ODAD4: variants seen among roughly 807,000 people sequenced by gnomAD.
ODAD4 encodes outer dynein arm docking complex subunit 4.
In ODAD4, 49 loss-of-function variants were observed where a neutral mutation model predicts 51.8. The observed-to-expected ratio is 0.95, with a 90% CI of 0.75 to 1.20. The LOEUF (loss-of-function observed/expected upper bound fraction) is 1.20, where lower values mean the gene tolerates loss of function less well. ODAD4 is among the 50% of genes most tolerant of loss of function. ODAD4 has a pLI of 0.00. For missense variants in ODAD4, 590 were observed against 586.5 expected (o/e 1.01, Z -0.06); for synonymous variants, 235 against 221.3 (o/e 1.06, Z -0.55).
chr17:41,938,516 G>T (rs374821213), intron 5 of ODAD4, 41 bp from the exon 6 acceptor site: 53 of 1,555,558 alleles, frequency 3.4e-5, no homozygotes, highest in Non-Finnish European at 3.6e-5. Context: ...TCCCTTAGAG[G>T]CCTGTTCTCC....
At position 41,965,893 on chromosome 17, in the gene ODAD4, T is replaced by C. The variant is rs2050878210; in HGVS notation, c.*410T>C. ...CGGGGAGGCTTTATGGATGGAACAG[T>C]GGTGGGGCGGCCCCAGCTGTCACAG... On this transcript the variant is annotated 3_prime_UTR_variant, in exon 12 of 12. Transcript: ENST00000377540. Among the ~76,000 whole-genome samples the C allele has an allele frequency of 1.3e-5, 2 of 151,924 alleles. No homozygotes were observed. The highest frequency in any genetic ancestry group is 4.8e-5 in the African/African-American group (2 of 41,324).
At chr17:41,936,632 T>G in intron 4 of ODAD4, 98 bp downstream of exon 4, 1 of 1,510,696 alleles carries the variant, frequency 6.6e-7, no homozygotes, top group Non-Finnish European at 9.1e-7. Context: ...TGACCAGGCA[T>G]ACTCCGTGAC....
intron 9 of ODAD4, chr17:41,952,722 G>A: frequency 2.0e-6 from 1 of 504,894 alleles, no homozygotes; most frequent in Non-Finnish European, 4.0e-6. Flanking sequence ...TCCTTTAAGT[G>A]TAATAGCCTT....
At chr17:41,963,497 C>T (rs2050832684) in intron 11 of ODAD4, among the ~76,000 whole-genome samples, 1 of 152,186 alleles carries the variant, frequency 6.6e-6, no homozygotes, top group Admixed American at 6.5e-5. Flanking sequence ...AATGAAGATG[C>T]TGGAGAAAAT....
chr17:41,935,606 T>G lies in ODAD4; in HGVS notation c.254T>G (p.Leu85Trp). 6.2e-7 allele frequency: 1 copy of G among 1,612,074 alleles called. No individual in the cohort carries two copies. The highest frequency in any genetic ancestry group is 8.5e-7 in the Non-Finnish European group (1 of 1,178,976). Residue 85 changes from leucine to tryptophan, a missense_variant, in exon 3 of 12, where the codon TTG becomes TGG. Physicochemically the swap from Leu to Trp is moderately conservative, Grantham distance 61. This residue lies in a region of ODAD4 where 360 missense variants were observed against 407.5 expected (regional missense o/e 0.88). Coordinates refer to ENST00000377540, the MANE Select transcript of ODAD4 (RefSeq NM_031421.5). Reference protein sequence around the residue: ...QSDPAFCKGILQKAETLYTMG... With the variant: ...QSDPAFCKGIWQKAETLYTMG... ...GATTTCCTCCCATTCCAGGGGATTTTGCAAAAGGCTGAGACACTGTACACC... is the reference window on the plus strand; with the variant it reads ...GATTTCCTCCCATTCCAGGGGATTTGGCAAAAGGCTGAGACACTGTACACC...
At chr17:41,955,356 TG>T in intron 10 of ODAD4, 39 bp downstream of exon 10, 1 of 743,336 alleles carries the variant, frequency 1.3e-6, no homozygotes. Flanking sequence ...GTGTCAGGAG[TG>T]GGGTTGGGTG....
chr17:41,932,373 T>C (rs534320171), intron 1 of ODAD4, among the ~76,000 whole-genome samples: 24 of 152,048 alleles, frequency 1.6e-4, no homozygotes, highest in Non-Finnish European at 3.2e-4. Flanking sequence ...ACCCAGTGCA[T>C]ACTCAATTTT....
intron 9 of ODAD4, chr17:41,954,986 G>C (rs782523140): frequency 1.6e-6 from 1 of 632,994 alleles, no homozygotes; most frequent in South Asian, 1.5e-5. Context: ...CAACGCCTTT[G>C]AATGAGGCCC....
intron 10 of ODAD4, among the ~76,000 whole-genome samples, chr17:41,961,125 T>C (rs1292498638): frequency 5.3e-5 from 8 of 152,312 alleles, no homozygotes; most frequent in Non-Finnish European, 1.0e-4. Context: ...TAGACACAAC[T>C]CCCAATACAT....
chr17:41,934,038 C>CTTTT lies in ODAD4; in HGVS notation c.115-1161_115-1158dup, dbSNP rs782039270. On this transcript the variant is annotated intron_variant, in intron 1 of 11. Transcript: ENST00000377540. ...CCCTTTCTTTCTTTTTTCTTTCTTT[C>CTTTT]TTTTTTTTTTTTTTTTTTTTTGAGA... Among the ~76,000 whole-genome samples, 257 of 65,528 alleles carry CTTTT rather than the reference C, an allele frequency of 3.9e-3. 3 individuals carry two copies. The highest frequency in any genetic ancestry group is 4.4e-3 in the Non-Finnish European group (174 of 39,218). The allele number at this position is 65,528 out of a possible 152,430, so 43.0% of individuals were successfully genotyped here.
In ODAD4 at chr17:41,943,826, C is replaced by T. The variant is rs150990203; in HGVS notation, c.1059-1310C>T. ...TCTTGAGCATATAGACCTAGTTACT[C>T]AGGAGGCTGAGTCAGGAGGATCCCT... On this transcript the variant is annotated intron_variant, in intron 7 of 11. Coordinates refer to ENST00000377540, the MANE Select transcript of ODAD4 (RefSeq NM_031421.5). Among the ~76,000 whole-genome samples, 554 of 152,198 alleles carry T rather than the reference C, an allele frequency of 3.6e-3. 6 individuals are homozygous for T. Among genetic ancestry groups the T allele is most frequent in the African/African-American group, 0.013 (535 of 41,528 alleles).
At chr17:41,944,391 T>TACACACACACACACACAC (rs1158342629) in intron 7 of ODAD4, among the ~76,000 whole-genome samples, 3 of 78,704 alleles carry the variant, frequency 3.8e-5, no homozygotes, top group African/African-American at 6.7e-5. Context: ...CAAACACACA[T>TACACACACACACACACAC]ACACACACAC....
chr17:41,932,902 C>A (rs980572324), intron 1 of ODAD4, among the ~76,000 whole-genome samples: 1 of 151,940 alleles, frequency 6.6e-6, no homozygotes, highest in Non-Finnish European at 1.5e-5. Flanking sequence ...CTCCAAATTG[C>A]CCACTTCTTC....
At position 41,936,499 on chromosome 17, in the gene ODAD4, A is replaced by C. The variant is rs782745704; in HGVS notation, c.424A>C (p.Lys142Gln). Residue 142 changes from lysine to glutamine, a missense_variant, in exon 4 of 12, where the codon AAA becomes CAA. Transcript: ENST00000377540. ...TCCTTCTTCCATTAAGCTGGAGAACAAAGGGGACCTCTCCTTCTTAAGCAA... is the reference window on the plus strand; with the variant it reads ...TCCTTCTTCCATTAAGCTGGAGAACCAAGGGGACCTCTCCTTCTTAAGCAA... Reference protein sequence around the residue: ...GSPSSIKLENKGDLSFLSKQA... With the variant: ...GSPSSIKLENQGDLSFLSKQA... The C allele has an allele frequency of 1.2e-6, 2 of 1,613,352 alleles. No individual in the cohort carries two copies. Among genetic ancestry groups the C allele is most frequent in the Non-Finnish European group, 8.5e-7 (1 of 1,179,798 alleles).
chr17:41,932,807 CT>C (rs1436864226), intron 1 of ODAD4, among the ~76,000 whole-genome samples: 6 of 145,482 alleles, frequency 4.1e-5, no homozygotes, highest in Non-Finnish European at 6.0e-5. Flanking sequence ...TCAAGTAATA[CT>C]CCCGCTTTGG....
intron 8 of ODAD4, among the ~76,000 whole-genome samples, chr17:41,947,148 G>C (rs2050600479): frequency 6.6e-6 from 1 of 150,756 alleles, no homozygotes; most frequent in African/African-American, 2.4e-5. Flanking sequence ...CTGTGCCCGG[G>C]TGTGCATTTT....
At chr17:41,956,674 G>A (rs571223620) in intron 10 of ODAD4, among the ~76,000 whole-genome samples, 2 of 152,128 alleles carry the variant, frequency 1.3e-5, no homozygotes, top group Admixed American at 6.5e-5. Context: ...ACTTAAGCCT[G>A]AGAAGTTGAG....
intron 5 of ODAD4, 136 bp from the exon 6 acceptor site, chr17:41,938,421 A>T: frequency 1.4e-6 from 1 of 700,348 alleles, no homozygotes; most frequent in Non-Finnish European, 2.4e-6. Context: ...ATGCGCACTC[A>T]CACTCCTCTC....
intron 8 of ODAD4, 35 bp from the exon 9 acceptor site, chr17:41,949,118 G>A (rs1416435727): frequency 2.5e-6 from 1 of 398,298 alleles, no homozygotes; most frequent in African/African-American, 2.1e-5. Context: ...ATGGTTTTGG[G>A]GGATGAAGCT....
Sources: allele counts gnomAD v4.1 joint callset (sites outside exome capture counted in the v4.1 genomes callset), GRCh38; gene constraint gnomAD v4.1.1; regional missense constraint gnomAD v4.1.1; transcripts MANE v1.5; gene names NCBI Gene and HGNC (gene_info 2026-07-23, HGNC 2026-07-21).